OLFM3: variants seen among roughly 807,000 people sequenced by gnomAD.
The protein encoded by OLFM3 is olfactomedin 3.
OLFM3 carries 20 observed loss-of-function variants against 48.6 expected under a neutral mutation model. That is an observed-to-expected ratio of 0.41 (90% CI 0.29 to 0.60). The LOEUF is 0.60. OLFM3 is among the 20% of genes least tolerant of loss of function. OLFM3 has a pLI of 0.28. For missense variants in OLFM3, 437 were observed against 544.3 expected (o/e 0.80, Z 1.96); for synonymous variants, 222 against 198.1 (o/e 1.12, Z -1.01).
At chr1:101,880,967 C>T (rs374055620) in intron 1 of OLFM3, among the ~76,000 whole-genome samples, 1 of 152,022 alleles carries the variant, frequency 6.6e-6, no homozygotes, top group African/African-American at 2.4e-5. Context: ...GTAGAGAACA[C>T]ACTCGATTAA....
rs541764738 is a variant in OLFM3 at position 101,973,187 on chromosome 1, C to T, written c.69+23561G>A. On this transcript the variant is annotated intron_variant, in intron 1 of 5. Coordinates refer to ENST00000370103, the MANE Select transcript of OLFM3 (RefSeq NM_058170.4). ...AGAAGCCCAAATCCCCAAGGCATGC[C>T]GTCTGCAGTGGAGAAATAGGAAACC... Among the ~76,000 whole-genome samples, 25 of 152,274 alleles carry T rather than the reference C, an allele frequency of 1.6e-4. No individual in the cohort carries two copies. The South Asian group carries it at 5.2e-3, about 32-fold the overall frequency.
At chr1:101,873,514 G>T (rs1657174837) in intron 1 of OLFM3, among the ~76,000 whole-genome samples, 1 of 151,838 alleles carries the variant, frequency 6.6e-6, no homozygotes, top group Admixed American at 6.6e-5. Context: ...ACCCTGTAAG[G>T]CCTATAGGAC....
chr1:101,915,678 A>G (rs1328689989), intron 1 of OLFM3, among the ~76,000 whole-genome samples: 1 of 152,192 alleles, frequency 6.6e-6, no homozygotes, highest in Non-Finnish European at 1.5e-5. Context: ...GCAAGGTAGA[A>G]TGGTTTCACG....
chr1:101,976,505 G>T (rs1034767908), intron 1 of OLFM3, among the ~76,000 whole-genome samples: 18 of 152,168 alleles, frequency 1.2e-4, no homozygotes, highest in Non-Finnish European at 2.2e-4. Context: ...TAGCTATCAG[G>T]CTATAATTGG....
intron 1 of OLFM3, among the ~76,000 whole-genome samples, chr1:101,841,639 G>C (rs191215993): frequency 1.9e-4 from 29 of 152,184 alleles, no homozygotes; most frequent in Non-Finnish European, 4.4e-5. Context: ...TATATAGTCA[G>C]ATATTCCTGT....
chr1:101,933,621 G>T (rs555692362), intron 1 of OLFM3, among the ~76,000 whole-genome samples: 7 of 152,074 alleles, frequency 4.6e-5, no homozygotes, highest in Non-Finnish European at 8.8e-5. Context: ...GAACCCTTGT[G>T]AGGTGTTATA....
chr1:101,807,301 G>A (rs998220916), intron 4 of OLFM3, among the ~76,000 whole-genome samples: 7 of 151,536 alleles, frequency 4.6e-5, no homozygotes, highest in Non-Finnish European at 1.0e-4. Context: ...TAAAATGTTG[G>A]GTTTTGGTCT....
chr1:101,960,790 G>A (rs1417196598), intron 1 of OLFM3, among the ~76,000 whole-genome samples: 1 of 152,120 alleles, frequency 6.6e-6, no homozygotes, highest in Non-Finnish European at 1.5e-5. Context: ...GAACTCTAGA[G>A]TTCTGCTAGT....
At chr1:101,889,707 C>T (rs989368803) in intron 1 of OLFM3, among the ~76,000 whole-genome samples, 1 of 151,886 alleles carries the variant, frequency 6.6e-6, no homozygotes, top group Non-Finnish European at 1.5e-5. Flanking sequence ...TTTGGATATA[C>T]TGATCTAGCA....
intron 1 of OLFM3, among the ~76,000 whole-genome samples, chr1:101,996,392 A>G (rs1661557172): frequency 6.6e-6 from 1 of 152,170 alleles, no homozygotes; most frequent in Admixed American, 6.5e-5. Flanking sequence ...ACATGTTTAT[A>G]AATTGCATTG....
intron 4 of OLFM3, among the ~76,000 whole-genome samples, chr1:101,815,605 A>G (rs1654298604): frequency 1.2e-5 from 1 of 86,722 alleles, no homozygotes; most frequent in Admixed American, 1.1e-4. Flanking sequence ...AAGGGAATTT[A>G]AAAACTCAAA....
At chr1:101,851,578 A>G (rs1011508040) in intron 1 of OLFM3, among the ~76,000 whole-genome samples, 4 of 152,020 alleles carry the variant, frequency 2.6e-5, no homozygotes, top group African/African-American at 2.4e-5. Flanking sequence ...GAATAATACA[A>G]CTTTGCTGGA....
chr1:101,942,688 T>C (rs1432540371), intron 1 of OLFM3, among the ~76,000 whole-genome samples: 1 of 152,200 alleles, frequency 6.6e-6, no homozygotes, highest in Non-Finnish European at 1.5e-5. Context: ...TGATCTTTGA[T>C]GCATGTGGTA....
chr1:101,910,449 G>C (rs1477452017), intron 1 of OLFM3, among the ~76,000 whole-genome samples: 2 of 146,492 alleles, frequency 1.4e-5, no homozygotes, highest in Non-Finnish European at 3.0e-5. Flanking sequence ...CTGGGCGACA[G>C]AGCGAGACTC....
chr1:101,844,409 G>T (rs1443594294), intron 1 of OLFM3, among the ~76,000 whole-genome samples: 1 of 152,142 alleles, frequency 6.6e-6, no homozygotes, highest in African/African-American at 2.4e-5. Context: ...ACCTAGTGGG[G>T]CACCAGGGAC....
In OLFM3 at chr1:101,996,884, T is replaced by C; in HGVS notation, c.-68A>G. Reference sequence around the variant, plus strand: ...GCTCTCCACTCACTGCAGAGACCTTTCCCTCGTCAGTTGCACTTTCTGCCT... The same window carrying C: ...GCTCTCCACTCACTGCAGAGACCTTCCCCTCGTCAGTTGCACTTTCTGCCT... On this transcript the variant is annotated 5_prime_UTR_variant, in exon 1 of 6. Transcript: ENST00000370103. The C allele has an allele frequency of 6.6e-7, 1 of 1,517,620 alleles. No individual in the cohort carries two copies. The highest frequency in any genetic ancestry group is 1.4e-5 in the African/African-American group (1 of 70,430). The allele number at this position is 1,517,620 out of a possible 1,614,324, so 94.0% of individuals were successfully genotyped here.
chr1:101,909,769 T>G (rs927488397), intron 1 of OLFM3, among the ~76,000 whole-genome samples: 1 of 152,232 alleles, frequency 6.6e-6, no homozygotes, highest in African/African-American at 2.4e-5. Context: ...GTAAGTTATG[T>G]TATTTTGAGT....
At chr1:101,824,250 A>G (rs1654740164) in intron 4 of OLFM3, among the ~76,000 whole-genome samples, 1 of 152,132 alleles carries the variant, frequency 6.6e-6, no homozygotes, top group African/African-American at 2.4e-5. Context: ...TAAAATACTG[A>G]TCCTAAATTA....
chr1:101,849,252 A>C (rs1048429065), intron 1 of OLFM3, among the ~76,000 whole-genome samples: 1 of 152,204 alleles, frequency 6.6e-6, no homozygotes, highest in Non-Finnish European at 1.5e-5. Flanking sequence ...AGTTTGCAGT[A>C]CTCTCATAGT....
Sources: gnomAD v4.1 joint callset for allele counts (sites outside exome capture counted in the v4.1 genomes callset) on GRCh38, gnomAD v4.1.1 for gene constraint, MANE v1.5 for transcripts, NCBI Gene and HGNC (gene_info 2026-07-23, HGNC 2026-07-21) for gene names.